The following STXBP5L variants were observed in gnomAD, a reference collection of about 807,000 sequenced individuals.
STXBP5L encodes the protein syntaxin binding protein 5L.
A neutral mutation model predicts 144.5 loss-of-function variants in STXBP5L; 65 were observed. The observed-to-expected ratio is 0.45, with a 90% confidence interval of 0.37 to 0.55. STXBP5L has a LOEUF of 0.55. Among genes scored for constraint, STXBP5L ranks in the 20% least tolerant of loss-of-function variants. The pLI is 0.00. For synonymous variants in STXBP5L, 505 were observed against 469.6 expected, an observed-to-expected ratio of 1.08 and a Z score of -0.97; for missense variants, 1,298 against 1,405.5, an observed-to-expected ratio of 0.92 and a Z score of 1.22.
At chr3:121,114,030 A>AT (rs1206787500) in intron 5 of STXBP5L, among the ~76,000 whole-genome samples, 2 of 151,800 alleles carry the variant, frequency 1.3e-5, no homozygotes, top group Non-Finnish European at 2.9e-5. Context: ...TGTCATTCAC[A>AT]TTTTTTTTGA....
chr3:120,944,503 T>C (rs1710741213), intron 2 of STXBP5L, among the ~76,000 whole-genome samples: 1 of 151,744 alleles, frequency 6.6e-6, no homozygotes, highest in Admixed American at 6.6e-5. Flanking sequence ...TATTTCCAAA[T>C]ATAAAATGGG....
intron 5 of STXBP5L, among the ~76,000 whole-genome samples, chr3:121,113,817 C>T (rs955421660): frequency 6.6e-6 from 1 of 151,518 alleles, no homozygotes; most frequent in Admixed American, 6.6e-5. Context: ...GGACTATGGG[C>T]ACCCACCACC....
At chr3:121,328,327 G>T (rs2044216077) in intron 20 of STXBP5L, among the ~76,000 whole-genome samples, 1 of 152,188 alleles carries the variant, frequency 6.6e-6, no homozygotes, top group Admixed American at 6.5e-5. Context: ...TTCTTGTGAA[G>T]TACAGACAAT....
intron 3 of STXBP5L, among the ~76,000 whole-genome samples, chr3:121,020,131 C>A (rs1156718785): frequency 1.3e-5 from 2 of 151,972 alleles, no homozygotes; most frequent in East Asian, 3.9e-4. Flanking sequence ...TTACAAAATG[C>A]ACTGGAAAGG....
chr3:121,030,890 G>T (rs1321672713), intron 3 of STXBP5L, among the ~76,000 whole-genome samples: 1 of 152,074 alleles, frequency 6.6e-6, no homozygotes, highest in Non-Finnish European at 1.5e-5. Context: ...AAAAGAAAGG[G>T]AGTTTATTAA....
At chr3:121,043,791 A>G (rs923570450) in intron 4 of STXBP5L, among the ~76,000 whole-genome samples, 3 of 152,240 alleles carry the variant, frequency 2.0e-5, no homozygotes, top group Non-Finnish European at 1.5e-5. Flanking sequence ...TATTGAATAT[A>G]TGCTACTTTA....
At chr3:121,066,429 T>C (rs1237050916) in intron 5 of STXBP5L, among the ~76,000 whole-genome samples, 2 of 151,354 alleles carry the variant, frequency 1.3e-5, no homozygotes, top group Non-Finnish European at 2.9e-5. Context: ...GGGTGTTGAA[T>C]TTTATCATAT....
intron 10 of STXBP5L, among the ~76,000 whole-genome samples, chr3:121,211,396 T>C (rs1418236264): frequency 1.3e-5 from 2 of 152,102 alleles, no homozygotes. Context: ...GACTTCCTCT[T>C]TTCCCAATTG....
In STXBP5L at chr3:121,189,863, A is replaced by G. The variant is rs371648419; in HGVS notation, c.878-16060A>G. Among the ~76,000 whole-genome samples the G allele has an allele frequency of 5.3e-5, 8 of 152,346 alleles. No individual in the cohort carries two copies. In the East Asian group the frequency reaches 1.5e-3, roughly 29 times the overall value. On this transcript the variant is annotated intron_variant, in intron 9 of 26. Transcript: ENST00000471454. Reference sequence around the variant, plus strand: ...AACTTAAAATAAACAAATAAAAAGTATGTATTCACTAACAGTTATATTATA... The same window carrying G: ...AACTTAAAATAAACAAATAAAAAGTGTGTATTCACTAACAGTTATATTATA...
At chr3:121,209,518 G>T (rs2048471568) in intron 10 of STXBP5L, among the ~76,000 whole-genome samples, 1 of 151,866 alleles carries the variant, frequency 6.6e-6, no homozygotes, top group African/African-American at 2.4e-5. Flanking sequence ...GTGCCATGTT[G>T]GTGTGCTGCA....
At position 121,226,014 on chromosome 3, in the gene STXBP5L, T is replaced by C. The variant is rs368876818; in HGVS notation, c.1111+2857T>C. Among the ~76,000 whole-genome samples the C allele has an allele frequency of 5.3e-5, 8 of 152,264 alleles. No individual in the cohort carries two copies. The East Asian group carries it at 1.5e-3, about 29-fold the overall frequency. On this transcript the variant is annotated intron_variant, in intron 11 of 26. Coordinates refer to ENST00000471454, the MANE Select transcript of STXBP5L (RefSeq NM_001308330.2). ...CTGTAACTAGTACATACTGATATCCTTGAGAGACAGGGAGCTGAAAAAAAT... is the reference window on the plus strand; with the variant it reads ...CTGTAACTAGTACATACTGATATCCCTGAGAGACAGGGAGCTGAAAAAAAT...
intron 19 of STXBP5L, among the ~76,000 whole-genome samples, chr3:121,302,718 A>T (rs769561459): frequency 6.6e-5 from 10 of 152,222 alleles, no homozygotes; most frequent in Non-Finnish European, 5.9e-5. Flanking sequence ...ACCCTCAAAA[A>T]TAATGCCACC....
chr3:121,096,222 C>G (rs2043121199), intron 5 of STXBP5L, among the ~76,000 whole-genome samples: 1 of 152,174 alleles, frequency 6.6e-6, no homozygotes, highest in Non-Finnish European at 1.5e-5. Context: ...TGGAGCTGTT[C>G]ATATTTGGCT....
chr3:121,025,713 T>A (rs1176648873), intron 3 of STXBP5L, among the ~76,000 whole-genome samples: 1 of 151,700 alleles, frequency 6.6e-6, no homozygotes, highest in Non-Finnish European at 1.5e-5. Flanking sequence ...TTTTACCTGG[T>A]ACATGGGATT....
chr3:121,192,032 A>G (rs997381322), intron 9 of STXBP5L, among the ~76,000 whole-genome samples: 1 of 152,178 alleles, frequency 6.6e-6, no homozygotes, highest in Non-Finnish European at 1.5e-5. Context: ...CCAACATGGC[A>G]CATGTATACA....
intron 4 of STXBP5L, among the ~76,000 whole-genome samples, chr3:121,042,800 C>G (rs896615874): frequency 6.6e-5 from 10 of 151,964 alleles, no homozygotes; most frequent in Non-Finnish European, 1.2e-4. Context: ...ACAAACGTAG[C>G]ATATTTCACC....
chr3:121,278,199 T>C (rs1273221087), intron 18 of STXBP5L, among the ~76,000 whole-genome samples: 1 of 152,020 alleles, frequency 6.6e-6, no homozygotes, highest in Non-Finnish European at 1.5e-5. Flanking sequence ...ATTTGTGAAA[T>C]GTATTACCTT....
At position 120,949,292 on chromosome 3, in the gene STXBP5L, T is replaced by C. The variant is rs143993298; in HGVS notation, c.190-5648T>C. 1.2e-4 allele frequency among the ~76,000 whole-genome samples: 18 copies of C among 152,166 alleles called. No homozygotes were observed. The East Asian group carries it at 3.5e-3, about 29-fold the overall frequency. On this transcript the variant is annotated intron_variant, in intron 2 of 26. Transcript: ENST00000471454. Reference sequence around the variant, plus strand: ...TTTATTTTTTGCTGATTTGTTTGAGTTTCTTGTAGATTCTGGATATTAGTT... The same window carrying C: ...TTTATTTTTTGCTGATTTGTTTGAGCTTCTTGTAGATTCTGGATATTAGTT...
intron 9 of STXBP5L, among the ~76,000 whole-genome samples, chr3:121,194,521 A>G (rs928804202): frequency 2.0e-5 from 3 of 151,982 alleles, no homozygotes; most frequent in African/African-American, 7.2e-5. Context: ...TGAAAAAAAA[A>G]AAGTAACTTT....
Sources: gnomAD v4.1 joint callset for allele counts (sites outside exome capture counted in the v4.1 genomes callset) on GRCh38, gnomAD v4.1.1 for gene constraint, MANE v1.5 for transcripts, NCBI Gene and HGNC (gene_info 2026-07-23, HGNC 2026-07-21) for gene names.